Variants in TUBB3 observed in about 807,000 individuals in gnomAD.
TUBB3 encodes tubulin beta-3 chain.
Under a neutral mutation model 37.8 loss-of-function variants are expected in TUBB3, and 17 were observed. That is an observed-to-expected ratio of 0.45 (90% CI 0.31 to 0.67). The LOEUF (loss-of-function observed/expected upper bound fraction) is 0.67, where lower values mean the gene tolerates loss of function less well. Ranked by LOEUF, TUBB3 falls within the 30% of genes least tolerant of loss-of-function variation. The pLI is 0.07. For synonymous variants in TUBB3, 332 were observed against 278.9 expected, an observed-to-expected ratio of 1.19 and a Z score of -1.90; for missense variants, 262 against 657.9, an observed-to-expected ratio of 0.40 and a Z score of 6.58.
chr16:89,924,680 C>A (rs867549514), intron 1 of TUBB3, among the ~76,000 whole-genome samples: 1 of 152,036 alleles, frequency 6.6e-6, no homozygotes, highest in African/African-American at 2.4e-5. Flanking sequence ...TAAATTGCAA[C>A]TTTGGCTCCG....
upstream of TUBB3, chr16:89,922,337 T>G (rs1276681562): frequency 6.6e-6 from 1 of 152,316 alleles, no homozygotes. Context: ...AGACCCTTCC[T>G]GAAGGATTTT....
In TUBB3 at chr16:89,935,816, G is replaced by C. The variant is rs375423325; in HGVS notation, c.*12G>C. 6.2e-7 allele frequency: 1 copy of C among 1,609,472 alleles called. No individual in the cohort carries two copies. The highest frequency in any genetic ancestry group is 8.5e-7 in the Non-Finnish European group (1 of 1,177,380). On this transcript the variant is annotated 3_prime_UTR_variant, in exon 4 of 4. Coordinates refer to ENST00000315491, the MANE Select transcript of TUBB3 (RefSeq NM_006086.4). ...AGGGCCCCAAGTGAAGCTGCTCGCA[G>C]CTGGAGTGAGAGGCAGGTGGCGGCC...
rs769818894 is a variant in TUBB3 at position 89,933,453 on chromosome 16, C to G, written c.167-15C>G. 1 of 1,604,994 alleles carries G rather than the reference C, an allele frequency of 6.2e-7. No individual in the cohort carries two copies. Among genetic ancestry groups the G allele is most frequent in the Non-Finnish European group, 8.5e-7 (1 of 1,171,858 alleles). ...CCTCTGTGACCCGAATCACCGAGCC[C>G]CTCTCTCCCCTCAGCTCACAAGTAC... On this transcript the variant is annotated splice_polypyrimidine_tract_variant and intron_variant, in intron 2 of 3. Coordinates refer to ENST00000315491, the MANE Select transcript of TUBB3 (RefSeq NM_006086.4).
At chr16:89,928,146 C>A (rs1455406023) in intron 1 of TUBB3, among the ~76,000 whole-genome samples, 1 of 152,182 alleles carries the variant, frequency 6.6e-6, no homozygotes, top group Admixed American at 6.5e-5. Flanking sequence ...CCTCCACCCC[C>A]CTGGCTCAAG....
Position 89,923,460 on chromosome 16 carries a change from T to C in TUBB3, c.57+2T>C. The C allele has an allele frequency of 6.7e-7, 1 of 1,492,704 alleles. No homozygotes were observed. The highest frequency in any genetic ancestry group is 8.9e-7 in the Non-Finnish European group (1 of 1,120,090). 92.5% of individuals were successfully genotyped at this position (1,492,704 alleles called of 1,614,324 possible). A position where few individuals can be genotyped will look rare whatever the true frequency, so the allele number is the denominator to read the frequency against. On this transcript the variant is annotated splice_donor_variant, in intron 1 of 3. Coordinates refer to ENST00000315491, the MANE Select transcript of TUBB3 (RefSeq NM_006086.4). LOFTEE classifies it high-confidence loss of function. ...TGCGGCAACCAGATCGGGGCCAAGG[T>C]GAGGCTGCGCGCCCCGGCCTGTCCC...
intron 1 of TUBB3, among the ~76,000 whole-genome samples, chr16:89,926,182 G>A (rs2030071977): frequency 6.6e-6 from 1 of 152,216 alleles, no homozygotes; most frequent in African/African-American, 2.4e-5. Context: ...TCCCCGGGGC[G>A]GGGTTCGCCT....
intron 1 of TUBB3, among the ~76,000 whole-genome samples, chr16:89,929,222 C>CA (rs1249300396): frequency 6.6e-6 from 1 of 152,226 alleles, no homozygotes; most frequent in Admixed American, 6.5e-5. Context: ...CTCAGCCTCC[C>CA]AAAGTGCTGG....
rs1221483017 is a variant in TUBB3 at position 89,935,128 on chromosome 16, A to G, written c.677A>G (p.Asn226Ser). 1 of 1,614,012 alleles carries G rather than the reference A, an allele frequency of 6.2e-7. No individual in the cohort carries two copies. Among genetic ancestry groups the G allele is most frequent in the Non-Finnish European group, 8.5e-7 (1 of 1,179,992 alleles). The change falls in exon 4 of 4, where the codon AAC (asparagine) becomes AGC (serine). Residue 226 changes from asparagine (N) to serine (S), a missense_variant. Coordinates refer to ENST00000315491, the MANE Select transcript of TUBB3 (RefSeq NM_006086.4). ...GCCACGCCCACCTACGGGGACCTCA[A>G]CCACCTGGTATCGGCCACCATGAGC... ...KLATPTYGDL[N>S]HLVSATMSGV...
chr16:89,934,722 T>C lies in TUBB3; in HGVS notation c.278-7T>C, dbSNP rs199842533. ...CCCTGTCTCTTACCCCTCTTCTCCC[T>C]GTACAGGTCAGAGTGGGGCCGGCAA... On this transcript the variant is annotated splice_polypyrimidine_tract_variant and splice_region_variant and intron_variant, in intron 3 of 3. Coordinates refer to ENST00000315491, the MANE Select transcript of TUBB3 (RefSeq NM_006086.4). The C allele has an allele frequency of 4.3e-6, 7 of 1,613,930 alleles. No individual in the cohort carries two copies. The South Asian group carries it at 6.6e-5, about 15-fold the overall frequency.
In TUBB3 at chr16:89,932,606, C is replaced by T; in HGVS notation, c.93C>T (p.Asp31=). 6.2e-7 allele frequency: 1 copy of T among 1,614,114 alleles called. No individual in the cohort carries two copies. The highest frequency in any genetic ancestry group is 8.5e-7 in the Non-Finnish European group (1 of 1,180,024). ...TCATCAGTGATGAGCATGGCATCGACCCCAGCGGCAACTACGTGGGCGACT... is the reference window on the plus strand; with the variant it reads ...TCATCAGTGATGAGCATGGCATCGATCCCAGCGGCAACTACGTGGGCGACT... ...WEVISDEHGI[D]PSGNYVGDSD... is the part of the protein sequence containing the mutation. Residue 31 remains aspartate, a synonymous_variant, in exon 2 of 4, where the codon GAC becomes GAT. Transcript: ENST00000315491.
At chr16:89,923,533 C>T (rs936613189) in intron 1 of TUBB3, 75 bp downstream of exon 1, 136 of 1,273,658 alleles carry the variant, frequency 1.1e-4, no homozygotes, top group African/African-American at 1.3e-4. Flanking sequence ...CGGGCCGCAC[C>T]TCCAGCTGCC....
chr16:89,928,944 G>C (rs924248309), intron 1 of TUBB3, among the ~76,000 whole-genome samples: 23 of 149,882 alleles, frequency 1.5e-4, no homozygotes, highest in Non-Finnish European at 2.7e-4. Flanking sequence ...TTGCAGGCGT[G>C]AGCCACCGCG....
At position 89,933,362 on chromosome 16, in the gene TUBB3, T is replaced by C. The variant is rs1168568375; in HGVS notation, c.167-106T>C. The C allele has an allele frequency of 4.2e-6, 4 of 951,754 alleles. No individual in the cohort carries two copies. In the African/African-American group the frequency reaches 6.4e-5, roughly 15 times the overall value. The allele number at this position is 951,754 out of a possible 1,614,324, so 59.0% of individuals were successfully genotyped here. On this transcript the variant is annotated intron_variant, in intron 2 of 3. Coordinates refer to ENST00000315491, the MANE Select transcript of TUBB3 (RefSeq NM_006086.4). The stretch of plus-strand genomic sequence containing the variant: ...ACTCTGACTTCAGAGTACAGGCTCT[T>C]AGGATGTGAGCAGGAGGATGGCAGG...
At chr16:89,930,032 C>G in intron 1 of TUBB3, among the ~76,000 whole-genome samples, 1 of 147,620 alleles carries the variant, frequency 6.8e-6, no homozygotes, top group South Asian at 2.2e-4. Flanking sequence ...TCCTTCCTTC[C>G]TTCCTTCCTT....
upstream of TUBB3, chr16:89,922,160 T>G (rs575191938): frequency 3.3e-5 from 5 of 152,370 alleles, no homozygotes; most frequent in Non-Finnish European, 5.9e-5. Context: ...CTGGAGAGCT[T>G]CTTGAGAGAA....
chr16:89,931,808 G>A (rs944165222), intron 1 of TUBB3: 1 of 378,214 alleles, frequency 2.6e-6, no homozygotes, highest in Non-Finnish European at 5.5e-6. Context: ...CAGCTGTCAT[G>A]GGAGCAGAGT....
chr16:89,926,211 G>A (rs573738378), intron 1 of TUBB3, among the ~76,000 whole-genome samples: 5 of 152,298 alleles, frequency 3.3e-5, no homozygotes, highest in African/African-American at 1.2e-4. Context: ...GGAGGGGGGA[G>A]CCTTTGTCCT....
chr16:89,934,859 C>G lies in TUBB3; in HGVS notation c.408C>G (p.Thr136=). The change falls in exon 4 of 4, where the codon ACC becomes ACG. Residue 136 remains threonine, a synonymous_variant. Transcript: ENST00000315491. The part of the protein sequence containing the change: ...NCDCLQGFQL[T]HSLGGGTGSG... ...ACTGCCTGCAGGGCTTCCAGCTGAC[C>G]CACTCGCTGGGGGGCGGCACGGGCT... The G allele has an allele frequency of 3.1e-6, 5 of 1,614,112 alleles. No individual in the cohort carries two copies. Among genetic ancestry groups the G allele is most frequent in the Non-Finnish European group, 2.5e-6 (3 of 1,180,014 alleles).
intron 2 of TUBB3, chr16:89,932,922 G>C: frequency 1.8e-6 from 1 of 564,884 alleles, no homozygotes. Context: ...GCCTGTGCGT[G>C]TCCAGGGGCA....
Sources: allele counts gnomAD v4.1 joint callset (sites outside exome capture counted in the v4.1 genomes callset), GRCh38; gene constraint gnomAD v4.1.1; transcripts MANE v1.5; gene names NCBI Gene and HGNC (gene_info 2026-07-23, HGNC 2026-07-21).